NAV2: variants seen among roughly 807,000 people sequenced by gnomAD.
The protein encoded by NAV2 is neuron navigator 2.
A neutral mutation model predicts 223.2 loss-of-function variants in NAV2; 54 were observed. The observed-to-expected ratio is 0.24, with a 90% CI of 0.19 to 0.30. The LOEUF is 0.30. Ranked by LOEUF, NAV2 falls within the 10% of genes least tolerant of loss-of-function variation. The pLI is 1.00. For missense variants in NAV2, 2,806 were observed against 3,147.5 expected (o/e 0.89, Z 2.60); for synonymous variants, 1,279 against 1,239.3 (o/e 1.03, Z -0.67).
At chr11:20,018,353 CAAAA>C (rs34251713) in intron 11 of NAV2, among the ~76,000 whole-genome samples, 1 of 87,996 alleles carries the variant, frequency 1.1e-5, no homozygotes, top group East Asian at 3.3e-4. Flanking sequence ...GATTCCATCT[CAAAA>C]AAAAAAAAAA....
intron 1 of NAV2, among the ~76,000 whole-genome samples, chr11:19,660,424 C>T (rs1239428698): frequency 6.6e-6 from 1 of 151,990 alleles, no homozygotes; most frequent in Admixed American, 6.6e-5. Flanking sequence ...TTCCTGAACT[C>T]AATACCCAGG....
rs775024322 is a variant in NAV2, at chr11:20,114,645, A to G, written c.7014A>G (p.Thr2338=). ...WEDPAKWVMD[T]YPWAASPQQH... ...ATCCTGCCAAGTGGGTGATGGACAC[A>G]TATCCATGGGCAGCCAGCCCACAAC... The change falls in exon 37 of 38, where the codon ACA becomes ACG. Residue 2338 remains threonine (T), a synonymous_variant. Coordinates refer to ENST00000349880, the MANE Select transcript of NAV2 (RefSeq NM_145117.5). 41 of 1,614,042 alleles carry G rather than the reference A, an allele frequency of 2.5e-5. No homozygotes were observed. The South Asian group carries it at 3.4e-4, about 13-fold the overall frequency.
At chr11:19,499,325 T>C (rs2042892219) in intron 1 of NAV2, among the ~76,000 whole-genome samples, 1 of 152,198 alleles carries the variant, frequency 6.6e-6, no homozygotes, top group Admixed American at 6.5e-5. Context: ...AGGGTTGTTG[T>C]TGTTGTTTTT....
Position 19,892,458 on chromosome 11 carries a change from A to G in NAV2, c.795A>G (p.Val265=). 1 of 1,614,102 alleles carries G rather than the reference A, an allele frequency of 6.2e-7. No homozygotes were observed. Among genetic ancestry groups the G allele is most frequent in the South Asian group, 1.1e-5 (1 of 91,038 alleles). ...GACTTCCAGGTCCTACCGCGAGGGT[A>G]TCCGCTGCAGGCAGCGAGGCCAAAA... ...QSRLPGPTAR[V]SAAGSEAKTR... The change falls in exon 6 of 38, where the codon GTA becomes GTG. Residue 265 remains valine, a synonymous_variant. Transcript: ENST00000349880.
chr11:19,992,024 T>G (rs931856289), intron 11 of NAV2, among the ~76,000 whole-genome samples: 1 of 152,252 alleles, frequency 6.6e-6, no homozygotes. Context: ...CTCATTGTCT[T>G]GGGATGAGAA....
chr11:19,827,181 A>T (rs908126898), intron 1 of NAV2, among the ~76,000 whole-genome samples: 1 of 152,114 alleles, frequency 6.6e-6, no homozygotes, highest in Admixed American at 6.6e-5. Flanking sequence ...GGGTTATCGT[A>T]TTATTACTAC....
At chr11:19,626,366 T>A (rs1428313469) in intron 1 of NAV2, among the ~76,000 whole-genome samples, 1 of 152,224 alleles carries the variant, frequency 6.6e-6, no homozygotes, top group African/African-American at 2.4e-5. Context: ...CTGGGTTCTC[T>A]ATTCCGTTCC....
intron 1 of NAV2, among the ~76,000 whole-genome samples, chr11:19,574,926 C>T (rs138980182): frequency 9.9e-5 from 15 of 152,144 alleles, no homozygotes; most frequent in African/African-American, 3.1e-4. Flanking sequence ...CTCAATTGGG[C>T]GAAGGGGTTT....
chr11:19,723,934 C>T (rs2152381721), intron 1 of NAV2, among the ~76,000 whole-genome samples: 1 of 152,316 alleles, frequency 6.6e-6, no homozygotes, highest in South Asian at 2.1e-4. Context: ...GCTGTCAGAC[C>T]TTCCGGTGTG....
chr11:20,024,221 G>T (rs961238492), intron 11 of NAV2, among the ~76,000 whole-genome samples: 9 of 152,202 alleles, frequency 5.9e-5, no homozygotes, highest in Non-Finnish European at 1.5e-5. Context: ...GATTCAGCTT[G>T]TTTCTGGAAG....
At chr11:20,092,132 A>G in intron 27 of NAV2, 74 bp from the exon 28 acceptor site, 1 of 1,477,662 alleles carries the variant, frequency 6.8e-7, no homozygotes, top group East Asian at 2.3e-5. Flanking sequence ...GGGAACTTTC[A>G]GATCCTTCCT....
chr11:19,725,132 T>G (rs1020481303), intron 1 of NAV2, among the ~76,000 whole-genome samples: 5 of 152,250 alleles, frequency 3.3e-5, no homozygotes, highest in African/African-American at 1.2e-4. Context: ...TTTTCCCATT[T>G]AATTGCCATA....
chr11:20,017,512 C>G (rs2054113102), intron 11 of NAV2, among the ~76,000 whole-genome samples: 1 of 152,214 alleles, frequency 6.6e-6, no homozygotes, highest in Non-Finnish European at 1.5e-5. Context: ...TCTTTCACAG[C>G]ACCCTGTTTA....
chr11:19,616,553 A>G (rs2046800423), intron 1 of NAV2, among the ~76,000 whole-genome samples: 1 of 152,106 alleles, frequency 6.6e-6, no homozygotes, highest in South Asian at 2.1e-4. Context: ...GAAGGCAGTC[A>G]GGCAGGCAGC....
chr11:20,049,306 C>G (rs115571288), intron 15 of NAV2, 111 bp downstream of exon 15: 1 of 830,618 alleles, frequency 1.2e-6, no homozygotes, highest in African/African-American at 1.7e-5. Context: ...AGATTTCTCT[C>G]TTTCTAATTA....
In NAV2 at chr11:19,371,417, A is replaced by C. The variant is rs192751628; in HGVS notation, c.75+20390A>C. 2.6e-5 allele frequency among the ~76,000 whole-genome samples: 4 copies of C among 152,284 alleles called. No individual in the cohort carries two copies. The East Asian group carries it at 7.7e-4, about 29-fold the overall frequency. On this transcript the variant is annotated intron_variant, in intron 1 of 37. Coordinates refer to the NAV2 transcript ENST00000360655. ...TCATTTTACAGGTTAACTCTAACCC[A>C]AAAAAGGGAAGCAACTTGCCCGAGA...
intron 1 of NAV2, among the ~76,000 whole-genome samples, chr11:19,748,291 T>C (rs1375985689): frequency 1.3e-5 from 2 of 152,154 alleles, no homozygotes; most frequent in Admixed American, 6.5e-5. Context: ...TAACCAAGGA[T>C]TGCAGAGTTC....
chr11:19,545,452 A>G (rs1274232905), intron 1 of NAV2, among the ~76,000 whole-genome samples: 1 of 135,144 alleles, frequency 7.4e-6, no homozygotes, highest in Non-Finnish European at 1.5e-5. Context: ...GGAAGAAGGT[A>G]TGGGGCAGTG....
chr11:20,034,954 A>G (rs1410303170), intron 11 of NAV2, among the ~76,000 whole-genome samples: 5 of 152,082 alleles, frequency 3.3e-5, no homozygotes, highest in Non-Finnish European at 7.4e-5. Flanking sequence ...GCCACTCGCA[A>G]TGGAGAGGGG....
Sources: gnomAD v4.1 joint callset for allele counts (sites outside exome capture counted in the v4.1 genomes callset) on GRCh38, gnomAD v4.1.1 for gene constraint, MANE v1.5 for transcripts, NCBI Gene and HGNC (gene_info 2026-07-23, HGNC 2026-07-21) for gene names.